Variants in DCAF1 observed in about 807,000 individuals in gnomAD.
DCAF1 encodes DDB1 and CUL4 associated factor 1.
A neutral mutation model predicts 128.0 loss-of-function variants in DCAF1; 15 were observed. The observed-to-expected ratio is 0.12, with a 90% confidence interval of 0.08 to 0.18. The LOEUF (loss-of-function observed/expected upper bound fraction) is 0.18. DCAF1 is among the 10% of genes least tolerant of loss of function. The pLI is 1.00. For missense variants in DCAF1, 988 were observed against 1,649.5 expected (o/e 0.60, Z 6.95); for synonymous variants, 610 against 603.0 (o/e 1.01, Z -0.17).
intron 23 of DCAF1, among the ~76,000 whole-genome samples, chr3:51,409,033 C>T (rs1698160627): frequency 6.6e-6 from 1 of 152,178 alleles, no homozygotes; most frequent in Non-Finnish European, 1.5e-5. Context: ...GACCCTGCCC[C>T]TCTCACTCTT....
intron 4 of DCAF1, among the ~76,000 whole-genome samples, chr3:51,470,018 C>A (rs1704561235): frequency 1.3e-5 from 2 of 151,548 alleles, no homozygotes; most frequent in Admixed American, 6.6e-5. Flanking sequence ...AAGATGCCAT[C>A]TCAAAAAAAA....
intron 6 of DCAF1, among the ~76,000 whole-genome samples, chr3:51,452,755 T>C (rs1702481611): frequency 6.6e-6 from 1 of 152,176 alleles, no homozygotes; most frequent in Admixed American, 6.5e-5. Context: ...CTCATGCCTG[T>C]AATCCCAGCA....
chr3:51,477,476 A>T (rs553252205), intron 3 of DCAF1, among the ~76,000 whole-genome samples: 54 of 151,746 alleles, frequency 3.6e-4, no homozygotes, highest in Non-Finnish European at 3.2e-4. Context: ...AAAAAAAAAA[A>T]TACAAAAATT....
intron 6 of DCAF1, among the ~76,000 whole-genome samples, chr3:51,459,668 G>C (rs1703322659): frequency 6.6e-6 from 1 of 152,122 alleles, no homozygotes; most frequent in Non-Finnish European, 1.5e-5. Context: ...ATAAAATACT[G>C]GCAAACCAAA....
the DCAF1 span, among the ~76,000 whole-genome samples, chr3:51,505,299 A>C: frequency 6.6e-6 from 1 of 151,830 alleles, no homozygotes; most frequent in Non-Finnish European, 1.5e-5. Flanking sequence ...ATTAATAATA[A>C]TTTTTTAAAT....
At chr3:51,493,362 T>C (rs1553659081) in intron 2 of DCAF1, among the ~76,000 whole-genome samples, 1 of 151,850 alleles carries the variant, frequency 6.6e-6, no homozygotes, top group African/African-American at 2.4e-5. Context: ...GGAGAACCGC[T>C]TGAACTCAGA....
Position 51,407,177 on chromosome 3 carries a change from AAAC to A in DCAF1, c.4213-3785_4213-3783del, listed in dbSNP as rs1266620266. Among the ~76,000 whole-genome samples, 1,282 of 139,456 alleles carry A rather than the reference AAAC, an allele frequency of 9.2e-3. 201 individuals carry two copies. The highest frequency in any genetic ancestry group is 0.027 in the Middle Eastern group (7 of 258). 91.5% of individuals were successfully genotyped at this position (139,456 alleles called of 152,430 possible). A position where few individuals can be genotyped will look rare whatever the true frequency, so the allele number is the denominator to read the frequency against. On this transcript the variant is annotated intron_variant, in intron 23 of 24. Transcript: ENST00000684031. ...CCATCTCAAAAAAAAAAAAAAAAAA[AAAC>A]AACAACAAAACCGTCATTCAAATCT...
chr3:51,457,786 A>T (rs1382848974), intron 6 of DCAF1, among the ~76,000 whole-genome samples: 5 of 152,218 alleles, frequency 3.3e-5, no homozygotes, highest in African/African-American at 2.4e-5. Flanking sequence ...AGAATTTTCA[A>T]CCCAGAATCT....
intron 3 of DCAF1, among the ~76,000 whole-genome samples, chr3:51,481,258 T>C (rs1553652734): frequency 6.6e-6 from 1 of 152,138 alleles, no homozygotes; most frequent in Non-Finnish European, 1.5e-5. Context: ...AGAATGTAGG[T>C]ATGAATGAAG....
chr3:51,425,530 C>A (rs553457735), intron 13 of DCAF1, among the ~76,000 whole-genome samples: 166 of 150,026 alleles, frequency 1.1e-3, no homozygotes, highest in Non-Finnish European at 1.8e-3. Flanking sequence ...TGTATTTATA[C>A]CCTTTCTAGT....
At chr3:51,463,749 C>A (rs1228113739) in intron 5 of DCAF1, among the ~76,000 whole-genome samples, 1 of 151,996 alleles carries the variant, frequency 6.6e-6, no homozygotes, top group Non-Finnish European at 1.5e-5. Context: ...CCACTGCACT[C>A]AGGCCTGGGC....
At chr3:51,455,114 T>TGTAAAA (rs1244245210) in intron 6 of DCAF1, among the ~76,000 whole-genome samples, 1 of 152,188 alleles carries the variant, frequency 6.6e-6, no homozygotes, top group Non-Finnish European at 1.5e-5. Context: ...CCTACATGAA[T>TGTAAAA]GTAAAGCTCT....
At chr3:51,470,836 T>C in intron 4 of DCAF1, 93 bp downstream of exon 4, 2 of 874,498 alleles carry the variant, frequency 2.3e-6, no homozygotes, top group Non-Finnish European at 3.3e-6. Flanking sequence ...TAAGCAATTT[T>C]TCTTTTTTAG....
chr3:51,415,564 C>A (rs938671959), intron 18 of DCAF1, among the ~76,000 whole-genome samples: 2 of 152,112 alleles, frequency 1.3e-5, no homozygotes, highest in South Asian at 4.1e-4. Flanking sequence ...CCAACCCACA[C>A]CTCTCTCTTG....
chr3:51,493,165 G>A (rs1308352534), intron 2 of DCAF1, among the ~76,000 whole-genome samples: 1 of 151,524 alleles, frequency 6.6e-6, no homozygotes, highest in Non-Finnish European at 1.5e-5. Flanking sequence ...TGAAAACAAG[G>A]CTGGGTGTGG....
chr3:51,505,408 T>C, the DCAF1 span, among the ~76,000 whole-genome samples: 1 of 152,208 alleles, frequency 6.6e-6, no homozygotes, highest in Non-Finnish European at 1.5e-5. Flanking sequence ...ACTTCTACCA[T>C]GGGCGTATCC....
chr3:51,454,464 C>T (rs1402560845), intron 6 of DCAF1, among the ~76,000 whole-genome samples: 3 of 152,274 alleles, frequency 2.0e-5, no homozygotes, highest in East Asian at 3.9e-4. Context: ...TGGGTTCAAG[C>T]GATTCTCATG....
intron 20 of DCAF1, 142 bp from the exon 21 acceptor site, chr3:51,413,528 C>G (rs1439140153): frequency 7.4e-7 from 1 of 1,348,194 alleles, no homozygotes; most frequent in Non-Finnish European, 9.9e-7. Context: ...GAAATCTACT[C>G]TGCATCTAGT....
chr3:51,478,378 G>T (rs1208232632), intron 3 of DCAF1, among the ~76,000 whole-genome samples: 1 of 152,110 alleles, frequency 6.6e-6, no homozygotes, highest in African/African-American at 2.4e-5. Context: ...GCTTTGCATG[G>T]CTGAAGAGCA....
Sources: allele counts gnomAD v4.1 joint callset (sites outside exome capture counted in the v4.1 genomes callset), GRCh38; gene constraint gnomAD v4.1.1; transcripts MANE v1.5; gene names NCBI Gene and HGNC (gene_info 2026-07-23, HGNC 2026-07-21).